The following NT5M variants were observed in gnomAD, a reference collection of about 807,000 sequenced individuals.
The protein encoded by NT5M is 5'(3')-deoxyribonucleotidase, mitochondrial.
NT5M carries 22 observed loss-of-function variants against 22.2 expected under a neutral mutation model. The ratio of observed to expected loss-of-function variants is 0.99; its 90% confidence interval spans 0.71 to 1.41. The LOEUF is 1.41. NT5M is among the 40% of genes most tolerant of loss of function. The pLI is 0.00. For synonymous variants in NT5M, 167 were observed against 133.0 expected, an observed-to-expected ratio of 1.26 and a Z score of -1.76; for missense variants, 322 against 314.8, an observed-to-expected ratio of 1.02 and a Z score of -0.17.
rs146366303 is a variant in NT5M at position 17,312,938 on chromosome 17, C to T, written c.368+6295C>T. Among the ~76,000 whole-genome samples the T allele has an allele frequency of 5.0e-3, 754 of 152,170 alleles. 8 individuals carry two copies. The highest frequency in any genetic ancestry group is 0.016 in the African/African-American group (645 of 41,522). On this transcript the variant is annotated intron_variant, in intron 2 of 4. Transcript: ENST00000389022. ...CAGTGAGCTATGATCACGCCATGTA[C>T]TCCTGCCTGAGCAACAGAGCAAGAC...
At chr17:17,328,408 G>T (rs1000531820) in intron 3 of NT5M, among the ~76,000 whole-genome samples, 1 of 152,294 alleles carries the variant, frequency 6.6e-6, no homozygotes, top group Non-Finnish European at 1.5e-5. Flanking sequence ...TGAGAAGTGA[G>T]TAAGGCGAAG....
At chr17:17,320,475 T>G (rs556775833) in intron 2 of NT5M, among the ~76,000 whole-genome samples, 1 of 152,196 alleles carries the variant, frequency 6.6e-6, no homozygotes, top group Non-Finnish European at 1.5e-5. Flanking sequence ...AAATAGGTGA[T>G]TTTTAGGTGT....
In NT5M at chr17:17,323,182, C is replaced by T. The variant is rs747592794; in HGVS notation, c.369-3C>T. ...GGCTCAACCTCCTTTCTCTTGTTGA[C>T]AGCACTGACGTCTTCATCTGCACAA... On this transcript the variant is annotated splice_polypyrimidine_tract_variant and splice_region_variant and intron_variant, in intron 2 of 4. Coordinates refer to ENST00000389022, the MANE Select transcript of NT5M (RefSeq NM_020201.4). 5.0e-6 allele frequency: 8 copies of T among 1,613,894 alleles called. No homozygotes were observed. In the East Asian group the frequency reaches 1.3e-4, roughly 27 times the overall value.
At chr17:17,338,582 A>G (rs2049567518) in intron 3 of NT5M, among the ~76,000 whole-genome samples, 1 of 151,768 alleles carries the variant, frequency 6.6e-6, no homozygotes, top group African/African-American at 2.4e-5. Context: ...AGTATCATTT[A>G]AAGTCAGATA....
chr17:17,315,899 C>T (rs1335919466), intron 2 of NT5M, among the ~76,000 whole-genome samples: 1 of 149,778 alleles, frequency 6.7e-6, no homozygotes, highest in East Asian at 2.0e-4. Flanking sequence ...CTACAGGCAT[C>T]TGCCACCACG....
chr17:17,312,672 G>T (rs2048944871), intron 2 of NT5M, among the ~76,000 whole-genome samples: 1 of 147,144 alleles, frequency 6.8e-6, no homozygotes. Context: ...ATGTATTCTA[G>T]CCTGGGTGGG....
chr17:17,328,914 C>T (rs2049317040), intron 3 of NT5M, among the ~76,000 whole-genome samples: 1 of 152,210 alleles, frequency 6.6e-6, no homozygotes, highest in East Asian at 1.9e-4. Context: ...TATACGTCTC[C>T]AAGGGCTTTC....
Position 17,346,873 on chromosome 17 carries a change from CA to C in NT5M, c.614del (p.Gln205ArgfsTer37). On this transcript the variant is annotated frameshift_variant, in exon 5 of 5. Coordinates refer to ENST00000389022, the MANE Select transcript of NT5M (RefSeq NM_020201.4). LOFTEE classifies it high-confidence loss of function. ...CTGCCACAACCAGCACCTGCAGCTG[CA>C]GCCCCCCCGCCGCAGGCTGCACTCG... ...TACHNQHLQL[Q>X]PPRRRLHSWA... 6.2e-7 allele frequency: 1 copy of C among 1,608,492 alleles called. No individual in the cohort carries two copies. Among genetic ancestry groups the C allele is most frequent in the East Asian group, 2.2e-5 (1 of 44,876 alleles).
At chr17:17,310,638 C>G (rs975796273) in intron 2 of NT5M, among the ~76,000 whole-genome samples, 1 of 151,988 alleles carries the variant, frequency 6.6e-6, no homozygotes, top group Non-Finnish European at 1.5e-5. Context: ...GAATTTGAGC[C>G]CAGTCTGGCC....
Position 17,344,921 on chromosome 17 carries a change from C to T in NT5M, c.544+13C>T, listed in dbSNP as rs768075405. 41 of 1,613,958 alleles carry T rather than the reference C, an allele frequency of 2.5e-5. No individual in the cohort carries two copies. The East Asian group carries it at 4.7e-4, about 18-fold the overall frequency. On this transcript the variant is annotated intron_variant, in intron 4 of 4. Coordinates refer to ENST00000389022, the MANE Select transcript of NT5M (RefSeq NM_020201.4). ...CCGGACATCACAGGCAAGTGGCCTG[C>T]GACAGGTGAGGAGCACGTGGGGAGG...
chr17:17,307,162 C>T (rs138642507), intron 2 of NT5M, among the ~76,000 whole-genome samples: 2,189 of 152,182 alleles, frequency 0.014, 64 homozygotes, highest in African/African-American at 0.045. Context: ...CGCGCCATTG[C>T]ACTCCAGCCT....
At chr17:17,323,708 G>A (rs1223030745) in intron 3 of NT5M, among the ~76,000 whole-genome samples, 1 of 152,182 alleles carries the variant, frequency 6.6e-6, no homozygotes, top group Non-Finnish European at 1.5e-5. Flanking sequence ...CTGGAGGAGA[G>A]CACTCATGCC....
At chr17:17,331,204 C>A (rs1278394232) in intron 3 of NT5M, among the ~76,000 whole-genome samples, 1 of 151,536 alleles carries the variant, frequency 6.6e-6, no homozygotes, top group African/African-American at 2.4e-5. Flanking sequence ...TCAGGAGCTT[C>A]CCCTGGAGCT....
chr17:17,329,427 C>A (rs1567893480), intron 3 of NT5M, among the ~76,000 whole-genome samples: 2 of 152,194 alleles, frequency 1.3e-5, no homozygotes, highest in Admixed American at 6.5e-5. Context: ...TCTCGGACTC[C>A]TTGACTTGAA....
chr17:17,312,449 C>G (rs1263755586), intron 2 of NT5M, among the ~76,000 whole-genome samples: 1 of 151,940 alleles, frequency 6.6e-6, no homozygotes, highest in African/African-American at 2.4e-5. Context: ...CGAGGCCAGC[C>G]TGAACAACAT....
At chr17:17,308,765 C>T (rs558076489) in intron 2 of NT5M, among the ~76,000 whole-genome samples, 19 of 152,356 alleles carry the variant, frequency 1.2e-4, no homozygotes, top group South Asian at 1.0e-3. Flanking sequence ...CCTGTGCTCC[C>T]TGCCAGCCCC....
rs115122201 is a variant in NT5M, at chr17:17,322,218, G to T, written c.369-967G>T. ...GACAGTGAGTAGGAAGGGCTCTAGGGGTGTGCTGTCGAGTGTGGGCATTGG... is the reference window on the plus strand; with the variant it reads ...GACAGTGAGTAGGAAGGGCTCTAGGTGTGTGCTGTCGAGTGTGGGCATTGG... On this transcript the variant is annotated intron_variant, in intron 2 of 4. Coordinates refer to ENST00000389022, the MANE Select transcript of NT5M (RefSeq NM_020201.4). Among the ~76,000 whole-genome samples, 926 of 152,244 alleles carry T rather than the reference G, an allele frequency of 6.1e-3. 5 individuals carry two copies. The highest frequency in any genetic ancestry group is 0.021 in the African/African-American group (883 of 41,516).
At chr17:17,317,272 A>C (rs980887224) in intron 2 of NT5M, among the ~76,000 whole-genome samples, 1 of 151,316 alleles carries the variant, frequency 6.6e-6, no homozygotes, top group Non-Finnish European at 1.5e-5. Flanking sequence ...GTTAGTCTCG[A>C]TCTCCTGACC....
chr17:17,335,096 G>GT (rs942207577), intron 3 of NT5M, among the ~76,000 whole-genome samples: 3,838 of 141,754 alleles, frequency 0.027, 145 homozygotes, highest in African/African-American at 0.088. Context: ...TCTATTTCAT[G>GT]TTTTTTTTTT....
Sources: allele counts gnomAD v4.1 joint callset (sites outside exome capture counted in the v4.1 genomes callset), GRCh38; gene constraint gnomAD v4.1.1; transcripts MANE v1.5; gene names NCBI Gene and HGNC (gene_info 2026-07-23, HGNC 2026-07-21).